Variants in DGCR8 observed in about 807,000 individuals in gnomAD.
DGCR8 encodes DGCR8 microprocessor complex subunit.
A neutral mutation model predicts 78.5 loss-of-function variants in DGCR8; 14 were observed. The ratio of observed to expected loss-of-function variants is 0.18; its 90% CI spans 0.12 to 0.28. The LOEUF (loss-of-function observed/expected upper bound fraction) is 0.28, where lower values mean the gene tolerates loss of function less well. DGCR8 is among the 10% of genes least tolerant of loss of function. The probability of loss-of-function intolerance (pLI) is 1.00; values close to 1 mark genes in which losing one functional copy is unlikely to be tolerated. For synonymous variants in DGCR8, 399 were observed against 402.4 expected, an observed-to-expected ratio of 0.99 and a Z score of 0.10; for missense variants, 702 against 1,022.5, an observed-to-expected ratio of 0.69 and a Z score of 4.28.
intron 9 of DGCR8, among the ~76,000 whole-genome samples, chr22:20,095,758 G>A (rs919806992): frequency 1.3e-5 from 2 of 152,104 alleles, no homozygotes; most frequent in African/African-American, 2.4e-5. Flanking sequence ...ACTGTAATAT[G>A]TAATGTAATC....
rs1476542203 is a variant in DGCR8 at position 20,086,787 on chromosome 22, C to A, written c.720+104C>A. On this transcript the variant is annotated intron_variant, in intron 2 of 13. Transcript: ENST00000351989. This position sits in a 1 kb window ranked among gnomAD's most constrained non-coding sequence, Gnocchi z 6.4. ...GCAGGGAAATTAAAAAAAAAAAAAA[C>A]AAAAACCAAAATCCCCTCTGAGGTG... 6.1e-4 allele frequency: 669 copies of A among 1,090,854 alleles called. 1 individual carries two copies. The highest frequency in any genetic ancestry group is 1.3e-3 in the African/African-American group (80 of 62,684). The allele number at this position is 1,090,854 out of a possible 1,614,324, so 67.6% of individuals were successfully genotyped here. A position where few individuals can be genotyped will look rare whatever the true frequency, so the allele number is the denominator to read the frequency against.
intron 7 of DGCR8, 52 bp from the exon 8 acceptor site, chr22:20,092,757 G>C: frequency 6.6e-7 from 1 of 1,515,554 alleles, no homozygotes; most frequent in South Asian, 1.1e-5. Context: ...CTGTGCACAC[G>C]CTTTTGATGT....
intron 9 of DGCR8, among the ~76,000 whole-genome samples, chr22:20,103,339 T>G (rs1005222781): frequency 6.0e-5 from 9 of 150,630 alleles, no homozygotes; most frequent in Admixed American, 5.9e-4. Flanking sequence ...TTCTACTAGA[T>G]TTATAGTTAA....
In DGCR8 at chr22:20,090,094, C is replaced by T. The variant is rs771759460; in HGVS notation, c.1142C>T (p.Pro381Leu). ...AGTGGGGATGTGTCCCCCGTCAAGCCCCTGAGCCGATCTGCAGAGCTGGAG... is the reference window on the plus strand; with the variant it reads ...AGTGGGGATGTGTCCCCCGTCAAGCTCCTGAGCCGATCTGCAGAGCTGGAG... ...TPSGDVSPVK[P>L]LSRSAELEFP... Residue 381 changes from proline (P) to leucine (L), a missense_variant, in exon 5 of 14, where the codon CCC becomes CTC. Pro to Leu is a moderately conservative substitution (Grantham distance 98). Transcript: ENST00000351989. The T allele has an allele frequency of 1.9e-6, 3 of 1,614,256 alleles. No individual in the cohort carries two copies. Among genetic ancestry groups the T allele is most frequent in the East Asian group, 2.2e-5 (1 of 44,886 alleles).
At position 20,110,049 on chromosome 22, in the gene DGCR8, A is replaced by C; in HGVS notation, c.2263A>C (p.Met755Leu). The change falls in exon 14 of 14, where the codon ATG becomes CTG. Residue 755 changes from methionine to leucine, a missense_variant. Met to Leu is a conservative substitution (Grantham distance 15). Coordinates refer to ENST00000351989, the MANE Select transcript of DGCR8 (RefSeq NM_022720.7). Reference protein sequence around the residue: ...EREETRKKPKMSIVASAQPGG... With the variant: ...EREETRKKPKLSIVASAQPGG... ...GGAGGAGACTCGAAAGAAGCCCAAG[A>C]TGTCCATTGTGGCGTCCGCCCAGCC... The C allele has an allele frequency of 6.2e-7, 1 of 1,613,712 alleles. No homozygotes were observed. Among genetic ancestry groups the C allele is most frequent in the Non-Finnish European group, 8.5e-7 (1 of 1,180,018 alleles).
At chr22:20,088,106 GC>G (rs926564531) in intron 3 of DGCR8, among the ~76,000 whole-genome samples, 1 of 152,176 alleles carries the variant, frequency 6.6e-6, no homozygotes, top group Non-Finnish European at 1.5e-5. Flanking sequence ...TGGGAGCAAA[GC>G]AAGGGGCGGG....
chr22:20,101,062 G>A (rs866545592), intron 9 of DGCR8: 4 of 422,572 alleles, frequency 9.5e-6, no homozygotes, highest in African/African-American at 8.6e-5. Context: ...TGATTTCTCC[G>A]GGGAGCCCAC....
At position 20,108,479 on chromosome 22, in the gene DGCR8, T is replaced by C. The variant is rs549790998; in HGVS notation, c.2125-411T>C. On this transcript the variant is annotated intron_variant, in intron 12 of 13. Transcript: ENST00000351989. Reference sequence around the variant, plus strand: ...CCAGCCTGATGCTGCTCTGCATTCATGGAGTGTGCAGAGAGCTCAGTGCCT... The same window carrying C: ...CCAGCCTGATGCTGCTCTGCATTCACGGAGTGTGCAGAGAGCTCAGTGCCT... The C allele has an allele frequency of 2.1e-4, 37 of 177,878 alleles. No homozygotes were observed. The East Asian group carries it at 5.6e-3, about 27-fold the overall frequency. 11.0% of individuals were successfully genotyped at this position (177,878 alleles called of 1,614,324 possible).
rs909671762 is a variant in DGCR8 at position 20,089,034 on chromosome 22, G to A, written c.881-635G>A. ...AGTTTTTAACTTGTTCCCAATACCT[G>A]TGAGAAAATTAAGTTTTAGTTACAT... On this transcript the variant is annotated intron_variant, in intron 3 of 13. Transcript: ENST00000351989. The surrounding 1 kb of genome is among the most constrained non-coding windows in gnomAD (Gnocchi z 4.9). Among the ~76,000 whole-genome samples the A allele has an allele frequency of 2.0e-5, 3 of 152,186 alleles. No homozygotes were observed. The highest frequency in any genetic ancestry group is 6.5e-5 in the Admixed American group (1 of 15,288).
chr22:20,109,588 C>T (rs2049810876), intron 13 of DGCR8, among the ~76,000 whole-genome samples: 1 of 152,216 alleles, frequency 6.6e-6, no homozygotes, highest in Non-Finnish European at 1.5e-5. Flanking sequence ...GCTTGGCCTC[C>T]TGGAGCCAGT....
At chr22:20,084,963 G>A (rs541926271) in intron 1 of DGCR8, 2 of 985,332 alleles carry the variant, frequency 2.0e-6, no homozygotes, top group African/African-American at 3.5e-5. Context: ...GGAACGGGCT[G>A]CAGGTGGCAC....
intron 9 of DGCR8, among the ~76,000 whole-genome samples, chr22:20,102,862 G>C (rs527555111): frequency 6.6e-6 from 1 of 152,232 alleles, no homozygotes; most frequent in Non-Finnish European, 1.5e-5. Context: ...GCTGGGTGCA[G>C]TGGCTCACGC....
At position 20,091,619 on chromosome 22, in the gene DGCR8, A is replaced by T; in HGVS notation, c.1491A>T (p.Ala497=). The T allele has an allele frequency of 6.2e-7, 1 of 1,614,170 alleles. No homozygotes were observed. Among genetic ancestry groups the T allele is most frequent in the Non-Finnish European group, 8.5e-7 (1 of 1,180,034 alleles). Residue 497 remains alanine (A), a synonymous_variant, in exon 6 of 14, where the codon GCA becomes GCT. Coordinates refer to ENST00000351989, the MANE Select transcript of DGCR8 (RefSeq NM_022720.7). ...QKLITLSVQD[A]PTKKEFVINP... ...TCATTACTTTATCAGTGCAAGATGC[A>T]CCCACAAAGAAAGGTATAAGCCTCT...
Position 20,091,631 on chromosome 22 carries a change from A to G in DGCR8, c.1503A>G (p.Lys501=), listed in dbSNP as rs887896303. The G allele has an allele frequency of 2.5e-6, 4 of 1,614,140 alleles. No homozygotes were observed. In the Admixed American group the frequency reaches 6.7e-5, roughly 27 times the overall value. ...CAGTGCAAGATGCACCCACAAAGAAAGGTATAAGCCTCTGCATTTTAACAT... is the reference window on the plus strand; with the variant it reads ...CAGTGCAAGATGCACCCACAAAGAAGGGTATAAGCCTCTGCATTTTAACAT... ...TLSVQDAPTK[K]EFVINPNGKS... Residue 501 remains lysine (K), a splice_region_variant and synonymous_variant, in exon 6 of 14, where the codon AAA becomes AAG. Coordinates refer to ENST00000351989, the MANE Select transcript of DGCR8 (RefSeq NM_022720.7).
At position 20,089,814 on chromosome 22, in the gene DGCR8, AG is replaced by A; in HGVS notation, c.1023+7del. 1 of 1,613,832 alleles carries A rather than the reference AG, an allele frequency of 6.2e-7. No individual in the cohort carries two copies. Among genetic ancestry groups the A allele is most frequent in the South Asian group, 1.1e-5 (1 of 91,056 alleles). On this transcript the variant is annotated splice_donor_region_variant and intron_variant, in intron 4 of 13. Transcript: ENST00000351989. This position sits in a 1 kb window ranked among gnomAD's most constrained non-coding sequence, Gnocchi z 4.9. ...TCTTGGGAACGGGAAGCATACGGGT[AG>A]GGGAGGCATCAGTCGTGACTTTAGG...
In DGCR8 at chr22:20,090,042, C is replaced by T. The variant is rs141467426; in HGVS notation, c.1090C>T (p.Arg364Trp). The T allele has an allele frequency of 8.7e-6, 14 of 1,614,186 alleles. No homozygotes were observed. The highest frequency in any genetic ancestry group is 5.5e-5 in the South Asian group (5 of 91,086). The change falls in exon 5 of 14, where the codon CGG (arginine) becomes TGG (tryptophan). Residue 364 changes from arginine (R) to tryptophan (W), a missense_variant. By Grantham distance (101) the Arg-to-Trp change is moderately radical. Around this residue, in one of 4 missense-constraint regions of DGCR8, gnomAD observed 119 missense variants for 126.1 expected, o/e 0.94. Transcript: ENST00000351989. ...TAAGAAAATGAAGGACAACGAGGAA[C>T]GGGAGCAAAGCAGTGACCTCACCCC... ...HYKKMKDNEEREQSSDLTPSG... is the reference protein window; with the variant it reads ...HYKKMKDNEEWEQSSDLTPSG...
intron 7 of DGCR8, among the ~76,000 whole-genome samples, chr22:20,092,365 C>G (rs577117781): frequency 6.6e-6 from 1 of 152,306 alleles, no homozygotes; most frequent in African/African-American, 2.4e-5. Context: ...GCTCTGTCTT[C>G]CTTGGGTGCC....
chr22:20,096,026 T>A (rs1293633146), intron 9 of DGCR8, among the ~76,000 whole-genome samples: 2 of 152,072 alleles, frequency 1.3e-5, no homozygotes, highest in Non-Finnish European at 2.9e-5. Context: ...CAGCTGTAAA[T>A]ACAGATTAAG....
intron 9 of DGCR8, chr22:20,102,097 T>G: frequency 4.1e-6 from 4 of 977,366 alleles, no homozygotes; most frequent in South Asian, 4.7e-5. Flanking sequence ...TTTTTTCATC[T>G]TATTTTAAAA....
Sources: gnomAD v4.1 joint callset for allele counts (sites outside exome capture counted in the v4.1 genomes callset) on GRCh38, gnomAD v4.1.1 for gene constraint, gnomAD v4.1.1 regional missense constraint, Gnocchi (gnomAD v3.1) non-coding constraint, MANE v1.5 for transcripts, NCBI Gene and HGNC (gene_info 2026-07-23, HGNC 2026-07-21) for gene names.